STARD9: variants seen among roughly 807,000 people sequenced by gnomAD.
STARD9 encodes the protein stAR-related lipid transfer protein 9.
A neutral mutation model predicts 399.8 loss-of-function variants in STARD9; 346 were observed. The observed-to-expected ratio is 0.87, with a 90% CI of 0.79 to 0.95. The LOEUF (loss-of-function observed/expected upper bound fraction) is 0.95, where lower values mean the gene tolerates loss of function less well. Among genes scored for constraint, STARD9 ranks in the 40% least tolerant of loss-of-function variants. STARD9 has a pLI of 0.00. For missense variants in STARD9, 5,832 were observed against 5,667.5 expected (o/e 1.03, Z -0.93); for synonymous variants, 2,203 against 2,143.5 (o/e 1.03, Z -0.77).
In STARD9 at chr15:42,636,941, G is replaced by C. The variant is rs147646076; in HGVS notation, c.352-966G>C. On this transcript the variant is annotated intron_variant, in intron 4 of 32. Coordinates refer to ENST00000290607, the MANE Select transcript of STARD9 (RefSeq NM_020759.3). Reference sequence around the variant, plus strand: ...TAGCCAGGTGTGGTGGTGGGTGCCTGTACTCCCATCTACTTGGGAAGCTGA... The same window carrying C: ...TAGCCAGGTGTGGTGGTGGGTGCCTCTACTCCCATCTACTTGGGAAGCTGA... Among the ~76,000 whole-genome samples, 720 of 151,972 alleles carry C rather than the reference G, an allele frequency of 4.7e-3. 2 individuals carry two copies. Among genetic ancestry groups the C allele is most frequent in the Non-Finnish European group, 9.2e-3 (625 of 67,964 alleles).
At position 42,691,407 on chromosome 15, in the gene STARD9, CA is replaced by C; in HGVS notation, c.9833del (p.Asn3278MetfsTer31). On this transcript the variant is annotated frameshift_variant, in exon 23 of 33. Coordinates refer to ENST00000290607, the MANE Select transcript of STARD9 (RefSeq NM_020759.3). LOFTEE classifies it high-confidence loss of function. ...AGACCCAGCCACTGTGTCCTTGAGGCAAAATGAAACACCGCAGCCTGCTGCT... is the reference window on the plus strand; with the variant it reads ...AGACCCAGCCACTGTGTCCTTGAGGCAAATGAAACACCGCAGCCTGCTGCT... ...FKDPATVSLRQNETPQPAAQR... is the reference protein window; with the variant it reads ...FKDPATVSLRXNETPQPAAQR... 1 of 1,537,220 alleles carries C rather than the reference CA, an allele frequency of 6.5e-7. No individual in the cohort carries two copies. Among genetic ancestry groups the C allele is most frequent in the Non-Finnish European group, 8.7e-7 (1 of 1,146,900 alleles).
chr15:42,687,063 A>T lies in STARD9; in HGVS notation c.5485A>T (p.Ile1829Phe). 6.5e-7 allele frequency: 1 copy of T among 1,537,134 alleles called. No individual in the cohort carries two copies. Among genetic ancestry groups the T allele is most frequent in the Non-Finnish European group, 8.7e-7 (1 of 1,146,842 alleles). Reference protein sequence around the residue: ...IPVDLNTREVIRESGKCPGNI... With the variant: ...IPVDLNTREVFRESGKCPGNI... The stretch of plus-strand genomic sequence containing the variant: ...AGTTGATCTGAATACCAGGGAAGTC[A>T]TCAGAGAATCAGGTAAATGCCCTGG... Residue 1829 changes from isoleucine to phenylalanine, a missense_variant, in exon 23 of 33, where the codon ATC becomes TTC. Ile to Phe is a conservative substitution (Grantham distance 21). Transcript: ENST00000290607.
intron 15 of STARD9, among the ~76,000 whole-genome samples, chr15:42,666,655 G>A (rs989864572): frequency 2.0e-5 from 3 of 152,088 alleles, no homozygotes; most frequent in African/African-American, 7.2e-5. Flanking sequence ...GAGTATCTTT[G>A]GAAAATTAAT....
In STARD9 at chr15:42,691,300, G is replaced by A; in HGVS notation, c.9722G>A (p.Gly3241Asp). 1 of 1,537,280 alleles carries A rather than the reference G, an allele frequency of 6.5e-7. No homozygotes were observed. Among genetic ancestry groups the A allele is most frequent in the Non-Finnish European group, 8.7e-7 (1 of 1,146,914 alleles). ...NPLPDEDGLD[G>D]CQILDAGREE... Reference sequence around the variant, plus strand: ...CTTCCTGATGAAGATGGCTTAGATGGCTGTCAGATTTTAGATGCTGGGAGA... The same window carrying A: ...CTTCCTGATGAAGATGGCTTAGATGACTGTCAGATTTTAGATGCTGGGAGA... The change falls in exon 23 of 33, where the codon GGC (glycine) becomes GAC (aspartate). Residue 3241 changes from glycine to aspartate, a missense_variant. Physicochemically the swap from Gly to Asp is moderately conservative, Grantham distance 94. Around this residue, in one of 2 missense-constraint regions of STARD9, gnomAD observed 5,828 missense variants for 5,651.1 expected, o/e 1.03. Transcript: ENST00000290607.
intron 9 of STARD9, among the ~76,000 whole-genome samples, chr15:42,660,595 AAAC>A (rs1381689507): frequency 6.6e-6 from 1 of 151,928 alleles, no homozygotes; most frequent in Non-Finnish European, 1.5e-5. Context: ...AAAAAAAAAA[AAAC>A]AAGAAACAAA....
At chr15:42,626,301 CCTTCTTCCTCTTCCTCTT>C (rs2059211468) in intron 3 of STARD9, among the ~76,000 whole-genome samples, 1 of 85,014 alleles carries the variant, frequency 1.2e-5, no homozygotes, top group Non-Finnish European at 2.3e-5. Flanking sequence ...CTCTTCCTCC[CCTTCTTCCTCTTCCTCTT>C]CTTCCTCCTC....
chr15:42,620,451 AGTCTGGGTAACAGAGTGAGACCT>A (rs2141849736), intron 3 of STARD9, among the ~76,000 whole-genome samples: 1 of 152,056 alleles, frequency 6.6e-6, no homozygotes, highest in South Asian at 2.1e-4. Flanking sequence ...ACTTCATTCC[AGTCTGGGTAACAGAGTGAGACCT>A]GTCTCAAAAA....
rs201393731 is a variant in STARD9 at position 42,686,901 on chromosome 15, C to T, written c.5323C>T (p.Pro1775Ser). The T allele has an allele frequency of 6.3e-4, 961 of 1,536,580 alleles. 2 individuals carry two copies. Among genetic ancestry groups the T allele is most frequent in the Middle Eastern group, 1.5e-3 (9 of 5,990 alleles). ...ACREVRVPSPPPREAWGFGHN... is the reference protein window; with the variant it reads ...ACREVRVPSPSPREAWGFGHN... ...CAGAGAAGTAAGGGTACCCTCCCCA[C>T]CCCCCAGGGAAGCCTGGGGCTTTGG... is the stretch of plus-strand genomic sequence containing the variant. Residue 1775 changes from proline to serine, a missense_variant, in exon 23 of 33, where the codon CCC (proline) becomes TCC (serine). This residue lies in a region of STARD9 where 5,828 missense variants were observed against 5,651.1 expected (regional missense o/e 1.03). Coordinates refer to ENST00000290607, the MANE Select transcript of STARD9 (RefSeq NM_020759.3).
At chr15:42,579,882 T>C (rs1275555434) in intron 1 of STARD9, among the ~76,000 whole-genome samples, 2 of 152,170 alleles carry the variant, frequency 1.3e-5, no homozygotes, top group Non-Finnish European at 2.9e-5. Context: ...TCTTAGGCAT[T>C]ATCTGACACA....
Position 42,690,991 on chromosome 15 carries a change from C to T in STARD9, c.9413C>T (p.Thr3138Ile), listed in dbSNP as rs1250204306. 6.5e-7 allele frequency: 1 copy of T among 1,537,238 alleles called. No homozygotes were observed. Among genetic ancestry groups the T allele is most frequent in the South Asian group, 1.2e-5 (1 of 84,060 alleles). Residue 3138 changes from threonine to isoleucine, a missense_variant, in exon 23 of 33, where the codon ACT (threonine) becomes ATT (isoleucine). Around this residue, in one of 2 missense-constraint regions of STARD9, gnomAD observed 5,828 missense variants for 5,651.1 expected, o/e 1.03. Coordinates refer to ENST00000290607, the MANE Select transcript of STARD9 (RefSeq NM_020759.3). Reference sequence around the variant, plus strand: ...ACCAATCCAGAACCACCTGCAACAACTCAGGGACCACACACCCTGGATTTA... The same window carrying T: ...ACCAATCCAGAACCACCTGCAACAATTCAGGGACCACACACCCTGGATTTA... The part of the protein sequence containing the change: ...CQTNPEPPAT[T>I]QGPHTLDLSE...
At chr15:42,662,265 G>A (rs996498348) in intron 10 of STARD9, among the ~76,000 whole-genome samples, 22 of 152,228 alleles carry the variant, frequency 1.4e-4, no homozygotes, top group African/African-American at 5.3e-4. Context: ...CACAAGAAAG[G>A]GTAAGATGAA....
At chr15:42,620,492 T>A (rs529904754) in intron 3 of STARD9, among the ~76,000 whole-genome samples, 282 of 151,192 alleles carry the variant, frequency 1.9e-3, no homozygotes, top group African/African-American at 5.9e-3. Flanking sequence ...AAAAAAAAAA[T>A]TTTCAGGAAA....
intron 26 of STARD9, among the ~76,000 whole-genome samples, chr15:42,701,538 A>G (rs1452837350): frequency 2.0e-5 from 3 of 152,034 alleles, no homozygotes; most frequent in Non-Finnish European, 4.4e-5. Context: ...TCCTTTTCAG[A>G]TAGTTTGCTT....
chr15:42,691,179 T>A lies in STARD9; in HGVS notation c.9601T>A (p.Cys3201Ser). ...AKFVARLKHT[C>S]SPQEDSPWQE... The stretch of plus-strand genomic sequence containing the variant: ...GTTTGTAGCAAGGTTAAAACATACC[T>A]GCAGCCCCCAGGAAGACAGTCCCTG... The change falls in exon 23 of 33, where the codon TGC (cysteine) becomes AGC (serine). Residue 3201 changes from cysteine to serine, a missense_variant. Coordinates refer to ENST00000290607, the MANE Select transcript of STARD9 (RefSeq NM_020759.3). 2 of 1,537,268 alleles carry A rather than the reference T, an allele frequency of 1.3e-6. No individual in the cohort carries two copies. The highest frequency in any genetic ancestry group is 1.7e-6 in the Non-Finnish European group (2 of 1,146,906).
chr15:42,715,983 G>A (rs1171143257), intron 26 of STARD9, among the ~76,000 whole-genome samples: 2 of 152,200 alleles, frequency 1.3e-5, no homozygotes, highest in Non-Finnish European at 2.9e-5. Context: ...CAGCAGGTGA[G>A]AAGGAGATGA....
chr15:42,601,441 C>T (rs1227302028), intron 3 of STARD9, among the ~76,000 whole-genome samples: 7 of 151,420 alleles, frequency 4.6e-5, no homozygotes. Context: ...ACGGGGCGGC[C>T]GGGCAGAGGC....
Position 42,624,600 on chromosome 15 carries a change from G to C in STARD9, c.235-10256G>C, listed in dbSNP as rs142980728. 4.5e-4 allele frequency among the ~76,000 whole-genome samples: 68 copies of C among 151,636 alleles called. No homozygotes were observed. In the East Asian group the frequency reaches 0.013, roughly 29 times the overall value. On this transcript the variant is annotated intron_variant, in intron 3 of 32. Coordinates refer to ENST00000290607, the MANE Select transcript of STARD9 (RefSeq NM_020759.3). ...GTCTCCCTCTGTCATCCAGGCTGGA[G>C]TGCAGTGACGCAATCTTGGCTCGCT...
At position 42,685,068 on chromosome 15, in the gene STARD9, G is replaced by C. The variant is rs115363065; in HGVS notation, c.3490G>C (p.Gly1164Arg). 6,665 of 1,537,136 alleles carry C rather than the reference G, an allele frequency of 4.3e-3. 261 individuals carry two copies. In the African/African-American group the frequency reaches 0.082, roughly 19 times the overall value. The stretch of plus-strand genomic sequence containing the variant: ...GTACCAAAGCCCCAAAAACAGGCTA[G>C]GGGGCAATCGTCCCACCAACAACCG... ...KRYQSPKNRL[G>R]GNRPTNNRGQ... is the part of the protein sequence containing the mutation. The change falls in exon 23 of 33, where the codon GGG (glycine) becomes CGG (arginine). Residue 1164 changes from glycine (G) to arginine (R), a missense_variant. Coordinates refer to ENST00000290607, the MANE Select transcript of STARD9 (RefSeq NM_020759.3).
chr15:42,657,417 A>T (rs2059899564), intron 9 of STARD9, among the ~76,000 whole-genome samples: 1 of 152,124 alleles, frequency 6.6e-6, no homozygotes, highest in Non-Finnish European at 1.5e-5. Context: ...TTTCATAATG[A>T]TAAAGGGTCA....
Sources: allele counts gnomAD v4.1 joint callset (sites outside exome capture counted in the v4.1 genomes callset), GRCh38; gene constraint gnomAD v4.1.1; regional missense constraint gnomAD v4.1.1; transcripts MANE v1.5; gene names NCBI Gene and HGNC (gene_info 2026-07-23, HGNC 2026-07-21).